NEGR1: variants seen among roughly 807,000 people sequenced by gnomAD.
The protein encoded by NEGR1 is IgLON family member 4.
Under a neutral mutation model 40.9 loss-of-function variants are expected in NEGR1, and 10 were observed. The observed-to-expected ratio is 0.24, with a 90% CI of 0.15 to 0.42. The LOEUF (loss-of-function observed/expected upper bound fraction) is 0.42. Ranked by LOEUF, NEGR1 falls within the 10% of genes least tolerant of loss-of-function variation. The pLI, the probability that NEGR1 is intolerant of heterozygous loss-of-function variation, is 1.00. For synonymous variants in NEGR1, 185 were observed against 166.8 expected, an observed-to-expected ratio of 1.11 and a Z score of -0.84; for missense variants, 352 against 438.9, an observed-to-expected ratio of 0.80 and a Z score of 1.77.
At chr1:71,927,947 C>G (rs969329596) in intron 2 of NEGR1, among the ~76,000 whole-genome samples, 6 of 144,940 alleles carry the variant, frequency 4.1e-5, no homozygotes, top group Non-Finnish European at 9.0e-5. Flanking sequence ...TGCAGTAGGC[C>G]AAGACTGAGC....
chr1:72,169,497 G>C (rs1651887309), intron 1 of NEGR1, among the ~76,000 whole-genome samples: 1 of 152,110 alleles, frequency 6.6e-6, no homozygotes, highest in African/African-American at 2.4e-5. Flanking sequence ...TGAACTTAGT[G>C]TATAATCTTA....
intron 4 of NEGR1, among the ~76,000 whole-genome samples, chr1:71,694,440 A>G (rs1653404963): frequency 6.6e-6 from 1 of 151,802 alleles, no homozygotes; most frequent in Non-Finnish European, 1.5e-5. Context: ...AACCCATTGC[A>G]TTAATGCTTA....
At chr1:71,637,491 C>G (rs1459875036) in intron 4 of NEGR1, among the ~76,000 whole-genome samples, 2 of 151,726 alleles carry the variant, frequency 1.3e-5, no homozygotes, top group African/African-American at 4.8e-5. Context: ...AATTTGGTAT[C>G]ATGCAACCCT....
At chr1:71,783,288 C>T (rs1557650888) in intron 2 of NEGR1, among the ~76,000 whole-genome samples, 1 of 152,162 alleles carries the variant, frequency 6.6e-6, no homozygotes, top group South Asian at 2.1e-4. Context: ...TCAGTATTGG[C>T]CTGCCCCCAA....
At chr1:71,524,085 C>A (rs1174233792) in intron 6 of NEGR1, among the ~76,000 whole-genome samples, 9 of 151,724 alleles carry the variant, frequency 5.9e-5, no homozygotes, top group Non-Finnish European at 1.2e-4. Context: ...CACAAGCAAG[C>A]ATTTGCTTGT....
intron 2 of NEGR1, among the ~76,000 whole-genome samples, chr1:71,836,425 GCT>G (rs1659029908): frequency 6.9e-6 from 1 of 145,316 alleles, no homozygotes. Context: ...CAAGGCTCTG[GCT>G]CAAAAAAAAA....
intron 1 of NEGR1, among the ~76,000 whole-genome samples, chr1:72,133,476 G>C (rs889751471): frequency 1.3e-5 from 2 of 151,932 alleles, no homozygotes; most frequent in Non-Finnish European, 2.9e-5. Flanking sequence ...ATTTTGGTTT[G>C]TATTAAGCAA....
chr1:72,116,007 T>A lies in NEGR1; in HGVS notation c.176+166312A>T, dbSNP rs969802673. ...TATGTGTAGCCTAAATTTAAAACATTTATGCAAATGTTAATTAGCCTCTTT... is the reference window on the plus strand; with the variant it reads ...TATGTGTAGCCTAAATTTAAAACATATATGCAAATGTTAATTAGCCTCTTT... On this transcript the variant is annotated intron_variant, in intron 1 of 6. Transcript: ENST00000357731. Among the ~76,000 whole-genome samples the A allele has an allele frequency of 2.0e-5, 3 of 151,706 alleles. No individual in the cohort carries two copies. In the East Asian group the frequency reaches 5.8e-4, roughly 29 times the overall value.
In NEGR1 at chr1:71,660,702, CTTA is replaced by C. The variant is rs1472452992; in HGVS notation, c.667+37303_667+37305del. ...ATTTTGAACATCTTGGCTTTTTCTTCTTATTATTATTATTAAACTTTAAGTTCT... is the reference window on the plus strand; with the variant it reads ...ATTTTGAACATCTTGGCTTTTTCTTCTTATTATTATTAAACTTTAAGTTCT... On this transcript the variant is annotated intron_variant, in intron 4 of 6. Coordinates refer to ENST00000357731, the MANE Select transcript of NEGR1 (RefSeq NM_173808.3). Among the ~76,000 whole-genome samples, 4 of 152,092 alleles carry C rather than the reference CTTA, an allele frequency of 2.6e-5. No individual in the cohort carries two copies. In the South Asian group the frequency reaches 6.2e-4, roughly 24 times the overall value.
intron 1 of NEGR1, among the ~76,000 whole-genome samples, chr1:72,239,262 A>C (rs1164013379): frequency 6.6e-6 from 1 of 151,864 alleles, no homozygotes; most frequent in Admixed American, 6.6e-5. Context: ...TTTATCCCTA[A>C]GTATATCAAA....
chr1:71,441,568 A>C (rs572653322), intron 6 of NEGR1, among the ~76,000 whole-genome samples: 2 of 152,208 alleles, frequency 1.3e-5, no homozygotes, highest in Non-Finnish European at 2.9e-5. Context: ...ACAGTAATGA[A>C]GTAAAATTTT....
chr1:72,032,186 G>A (rs896411911), intron 1 of NEGR1, among the ~76,000 whole-genome samples: 8 of 152,182 alleles, frequency 5.3e-5, no homozygotes, highest in Non-Finnish European at 1.0e-4. Flanking sequence ...TTGTAAGGTA[G>A]CTGGGTATGA....
At chr1:72,206,165 G>A (rs1348643357) in intron 1 of NEGR1, among the ~76,000 whole-genome samples, 3 of 151,862 alleles carry the variant, frequency 2.0e-5, no homozygotes, top group African/African-American at 7.3e-5. Context: ...CAGATGGCAT[G>A]ATTAATTATT....
chr1:71,672,101 G>T (rs950029324), intron 4 of NEGR1, among the ~76,000 whole-genome samples: 3 of 151,932 alleles, frequency 2.0e-5, no homozygotes, highest in African/African-American at 7.3e-5. Flanking sequence ...GTGATACGGA[G>T]CATGCCAAAT....
intron 5 of NEGR1, among the ~76,000 whole-genome samples, chr1:71,597,472 C>CTCTGTGTGTGTGTG (rs756076229): frequency 0.1 from 3,160 of 31,308 alleles, 313 homozygotes; most frequent in Middle Eastern, 0.18. Context: ...CTCTCTCTCT[C>CTCTGTGTGTGTGTG]TGTGTGTGTG....
At chr1:72,269,722 C>A (rs781438059) in intron 1 of NEGR1, among the ~76,000 whole-genome samples, 1 of 151,350 alleles carries the variant, frequency 6.6e-6, no homozygotes, top group East Asian at 1.9e-4. Context: ...AGCTTGTAAT[C>A]ATTAGGGATG....
intron 2 of NEGR1, among the ~76,000 whole-genome samples, chr1:71,811,090 A>T (rs1338954799): frequency 6.6e-6 from 1 of 152,148 alleles, no homozygotes; most frequent in East Asian, 1.9e-4. Context: ...GCTCTGTGAA[A>T]CATCTTCATT....
At chr1:71,668,962 T>C (rs1652328619) in intron 4 of NEGR1, among the ~76,000 whole-genome samples, 1 of 152,134 alleles carries the variant, frequency 6.6e-6, no homozygotes, top group Non-Finnish European at 1.5e-5. Context: ...TGTTATATCA[T>C]TTATCTGCTG....
chr1:71,730,383 G>A (rs1429446777), intron 3 of NEGR1, among the ~76,000 whole-genome samples: 1 of 151,610 alleles, frequency 6.6e-6, no homozygotes, highest in Non-Finnish European at 1.5e-5. Flanking sequence ...TGATAGCAAT[G>A]GTAACCATGA....
Sources: gnomAD v4.1 joint callset for allele counts (sites outside exome capture counted in the v4.1 genomes callset) on GRCh38, gnomAD v4.1.1 for gene constraint, MANE v1.5 for transcripts, NCBI Gene and HGNC (gene_info 2026-07-23, HGNC 2026-07-21) for gene names.